CLTCL1: variants seen among roughly 807,000 people sequenced by gnomAD.
CLTCL1 encodes the protein clathrin heavy chain 2.
CLTCL1 carries 159 observed loss-of-function variants against 190.0 expected under a neutral mutation model. The ratio of observed to expected loss-of-function variants is 0.84; its 90% CI spans 0.74 to 0.95. CLTCL1 has a LOEUF of 0.95. Ranked by LOEUF, CLTCL1 falls within the 40% of genes least tolerant of loss-of-function variation. The pLI is 0.00. For synonymous variants in CLTCL1, 752 were observed against 769.6 expected (o/e 0.98, Z 0.38); for missense variants, 1,878 against 2,033.4 (o/e 0.92, Z 1.47).
intron 29 of CLTCL1, among the ~76,000 whole-genome samples, chr22:19,185,774 CTG>C (rs1251707362): frequency 6.6e-6 from 1 of 152,226 alleles, no homozygotes; most frequent in Admixed American, 6.5e-5. Flanking sequence ...GTTGAGGAGG[CTG>C]TGTGTTTAAG....
intron 19 of CLTCL1, among the ~76,000 whole-genome samples, chr22:19,211,411 C>T (rs1450023120): frequency 2.0e-5 from 3 of 152,024 alleles, no homozygotes; most frequent in African/African-American, 7.3e-5. Context: ...ATTTAGGCAA[C>T]AAAAGAAACA....
intron 4 of CLTCL1, among the ~76,000 whole-genome samples, chr22:19,240,798 G>A (rs1555965018): frequency 6.6e-6 from 1 of 152,206 alleles, no homozygotes; most frequent in South Asian, 2.1e-4. Flanking sequence ...TGACTGCTAT[G>A]GGTTCTTGCT....
chr22:19,276,866 G>A lies in CLTCL1; in HGVS notation c.43-1036C>T, dbSNP rs1340202774. ...TGTATTTTTTTTTAGTAGAGACGGGGTTTCACCGTGTTAGCCAGGATGGTC... is the reference window on the plus strand; with the variant it reads ...TGTATTTTTTTTTAGTAGAGACGGGATTTCACCGTGTTAGCCAGGATGGTC... On this transcript the variant is annotated intron_variant, in intron 1 of 32. Transcript: ENST00000427926. 2.6e-5 allele frequency among the ~76,000 whole-genome samples: 4 copies of A among 152,116 alleles called. No homozygotes were observed. In the East Asian group the frequency reaches 7.7e-4, roughly 29 times the overall value.
chr22:19,225,185 C>T (rs807461), intron 13 of CLTCL1, among the ~76,000 whole-genome samples: 8,903 of 152,254 alleles, frequency 0.058, 332 homozygotes, highest in Middle Eastern at 0.16. Context: ...GACTGTGCTG[C>T]GTAGACACAC....
intron 1 of CLTCL1, among the ~76,000 whole-genome samples, chr22:19,289,153 C>T (rs551051203): frequency 8.5e-5 from 13 of 152,198 alleles, no homozygotes; most frequent in African/African-American, 3.1e-4. Flanking sequence ...CCGGCTAATA[C>T]TGTATTTTTA....
intron 19 of CLTCL1, among the ~76,000 whole-genome samples, chr22:19,215,730 T>C (rs1338301915): frequency 6.6e-6 from 1 of 152,246 alleles, no homozygotes; most frequent in African/African-American, 2.4e-5. Context: ...TGCCCAGATC[T>C]GGTTCTCCTG....
chr22:19,228,151 C>T (rs1459895740), intron 11 of CLTCL1, among the ~76,000 whole-genome samples: 2 of 152,234 alleles, frequency 1.3e-5, no homozygotes, highest in South Asian at 2.1e-4. Flanking sequence ...ACAGAGTTGA[C>T]GATCAAACAC....
chr22:19,216,062 G>A (rs368602486), intron 19 of CLTCL1, 49 bp downstream of exon 19: 5 of 1,584,420 alleles, frequency 3.2e-6, no homozygotes, highest in Non-Finnish European at 4.3e-6. Flanking sequence ...GTATCAAGCA[G>A]ATGTTTTGAA....
intron 1 of CLTCL1, among the ~76,000 whole-genome samples, 158 bp downstream of exon 1, chr22:19,291,442 C>A (rs961806196): frequency 2.6e-5 from 4 of 152,152 alleles, no homozygotes; most frequent in African/African-American, 4.8e-5. Flanking sequence ...GGCCGCCGCG[C>A]CCGGGACGCC....
chr22:19,257,962 T>C, intron 2 of CLTCL1: 1 of 756,826 alleles, frequency 1.3e-6, no homozygotes, highest in South Asian at 1.3e-5. Flanking sequence ...CTGTGGACAA[T>C]GCCTTCATCG....
Position 19,253,900 on chromosome 22 carries a change from T to C in CLTCL1, c.519+59A>G. On this transcript the variant is annotated intron_variant, in intron 3 of 32. Coordinates refer to ENST00000427926, the MANE Select transcript of CLTCL1 (RefSeq NM_007098.4). The stretch of plus-strand genomic sequence containing the variant: ...ACTTCTAATGATTTAACCACTCCAT[T>C]CTAATATTGGGCTTTGAAGTTACAT... The C allele has an allele frequency of 1.9e-6, 3 of 1,571,806 alleles. No individual in the cohort carries two copies. The South Asian group carries it at 3.4e-5, about 18-fold the overall frequency.
intron 27 of CLTCL1, among the ~76,000 whole-genome samples, chr22:19,189,051 G>C (rs148188182): frequency 6.6e-6 from 1 of 151,560 alleles, no homozygotes; most frequent in Admixed American, 6.6e-5. Context: ...TTACAGGTGC[G>C]CGCCCACCAC....
intron 13 of CLTCL1, among the ~76,000 whole-genome samples, chr22:19,225,175 G>C (rs556649359): frequency 1.3e-5 from 2 of 152,320 alleles, no homozygotes; most frequent in South Asian, 4.1e-4. Context: ...ATTCTTGCCA[G>C]ACTGTGCTGC....
intron 3 of CLTCL1, among the ~76,000 whole-genome samples, chr22:19,253,141 T>G (rs191379852): frequency 1.3e-5 from 2 of 152,270 alleles, no homozygotes; most frequent in Admixed American, 6.5e-5. Flanking sequence ...TCCCATAAAA[T>G]TAAATGCTTT....
At chr22:19,286,663 CACCTTCACAGTT>C (rs1555990303) in intron 1 of CLTCL1, among the ~76,000 whole-genome samples, 1 of 152,160 alleles carries the variant, frequency 6.6e-6, no homozygotes, top group African/African-American at 2.4e-5. Flanking sequence ...GCTCAATCTA[CACCTTCACAGTT>C]TTACTTTCCC....
intron 29 of CLTCL1, chr22:19,183,835 A>AG (rs1288526788): frequency 2.0e-5 from 11 of 560,770 alleles, no homozygotes; most frequent in African/African-American, 1.7e-4. Flanking sequence ...TGGCTCACGG[A>AG]GGCGCAGGTG....
In CLTCL1 at chr22:19,233,623, C is replaced by T; in HGVS notation, c.1168-1G>A. On this transcript the variant is annotated splice_acceptor_variant, in intron 7 of 32. Transcript: ENST00000427926. LOFTEE classifies it high-confidence loss of function. ...CCGTCTCTCTGGTACGCAGGATTCC[C>T]TAATAATAAATGGAAAAATAGGTCA... 1 of 1,612,378 alleles carries T rather than the reference C, an allele frequency of 6.2e-7. No individual in the cohort carries two copies. Among genetic ancestry groups the T allele is most frequent in the Non-Finnish European group, 8.5e-7 (1 of 1,179,432 alleles).
intron 2 of CLTCL1, 21 bp from the exon 3 acceptor site, chr22:19,254,248 G>A (rs1258880880): frequency 6.3e-7 from 1 of 1,575,616 alleles, no homozygotes; most frequent in African/African-American, 1.4e-5. Flanking sequence ...ATATAATAGA[G>A]ATTAGAGAAA....
At chr22:19,210,296 G>C in intron 20 of CLTCL1, 30 bp downstream of exon 20, 1 of 1,604,194 alleles carries the variant, frequency 6.2e-7, no homozygotes, top group East Asian at 2.2e-5. Flanking sequence ...GAAGGTGCTA[G>C]GTCCGACATG....
Sources: allele counts gnomAD v4.1 joint callset (sites outside exome capture counted in the v4.1 genomes callset), GRCh38; gene constraint gnomAD v4.1.1; transcripts MANE v1.5; gene names NCBI Gene and HGNC (gene_info 2026-07-23, HGNC 2026-07-21).